The following ARMH4 variants were observed in gnomAD, a reference collection of about 807,000 sequenced individuals.
The protein encoded by ARMH4 is armadillo-like helical domain-containing protein 4.
ARMH4 carries 49 observed loss-of-function variants against 61.9 expected under a neutral mutation model. The ratio of observed to expected loss-of-function variants is 0.79; its 90% CI spans 0.63 to 1.00. The LOEUF (loss-of-function observed/expected upper bound fraction) is 1.00. ARMH4 is among the 50% of genes least tolerant of loss of function. ARMH4 has a pLI of 0.00. For missense variants in ARMH4, 934 were observed against 930.0 expected (o/e 1.00, Z -0.06); for synonymous variants, 368 against 341.5 (o/e 1.08, Z -0.85).
chr14:58,032,327 G>A (rs1883274364), intron 5 of ARMH4, among the ~76,000 whole-genome samples: 2 of 152,176 alleles, frequency 1.3e-5, no homozygotes, highest in Admixed American at 6.5e-5. Flanking sequence ...CATATATTAG[G>A]AGCCCAATGA....
intron 5 of ARMH4, among the ~76,000 whole-genome samples, chr14:58,062,611 G>C (rs1884567803): frequency 6.6e-6 from 1 of 152,218 alleles, no homozygotes; most frequent in African/African-American, 2.4e-5. Flanking sequence ...CTAAATGTTA[G>C]CTATGTGCCG....
At chr14:58,053,244 A>G (rs1884204961) in intron 5 of ARMH4, among the ~76,000 whole-genome samples, 3 of 152,232 alleles carry the variant, frequency 2.0e-5, no homozygotes, top group Admixed American at 2.0e-4. Context: ...TTTAAAATTC[A>G]AGGAGAACAT....
At chr14:58,059,907 G>A (rs937731132) in intron 5 of ARMH4, among the ~76,000 whole-genome samples, 1 of 152,108 alleles carries the variant, frequency 6.6e-6, no homozygotes, top group Non-Finnish European at 1.5e-5. Context: ...TGTGACTACA[G>A]CTCCAGATTT....
intron 5 of ARMH4, among the ~76,000 whole-genome samples, chr14:58,044,853 A>G (rs1449725463): frequency 1.3e-5 from 2 of 152,266 alleles, no homozygotes; most frequent in Non-Finnish European, 2.9e-5. Flanking sequence ...CAACAGACAC[A>G]TGAAAAAATG....
At chr14:58,018,183 A>C (rs1305052069) in intron 5 of ARMH4, among the ~76,000 whole-genome samples, 1 of 152,190 alleles carries the variant, frequency 6.6e-6, no homozygotes, top group Non-Finnish European at 1.5e-5. Context: ...GAAGATAATA[A>C]AGGGGAAAAT....
chr14:58,067,587 C>G (rs991328206), intron 5 of ARMH4, among the ~76,000 whole-genome samples: 2 of 152,234 alleles, frequency 1.3e-5, no homozygotes, highest in Non-Finnish European at 2.9e-5. Flanking sequence ...AGTGTTTGTG[C>G]GGTCTGCTCC....
At chr14:58,031,710 T>C (rs1883238694) in intron 5 of ARMH4, among the ~76,000 whole-genome samples, 2 of 152,162 alleles carry the variant, frequency 1.3e-5, no homozygotes, top group African/African-American at 4.8e-5. Context: ...CACTAACAAA[T>C]TGAAATTCAG....
chr14:58,129,039 G>T (rs796322635), intron 4 of ARMH4, among the ~76,000 whole-genome samples: 4 of 152,176 alleles, frequency 2.6e-5, no homozygotes, highest in African/African-American at 9.7e-5. Context: ...GCTTTGGAGA[G>T]AGCAAGCCCT....
At chr14:58,105,250 G>GT (rs1189879367) in intron 4 of ARMH4, among the ~76,000 whole-genome samples, 1 of 152,148 alleles carries the variant, frequency 6.6e-6, no homozygotes, top group Non-Finnish European at 1.5e-5. Flanking sequence ...TAATGCCTGA[G>GT]TTTTGCAATT....
chr14:58,138,666 G>C lies in ARMH4; in HGVS notation c.693C>G (p.His231Gln), dbSNP rs765855846. ...CAGCACCAGGAAAAGAAGTTGTCCTGTGGTCTGTGTCTGCTTCAAATTTCT... is the reference window on the plus strand; with the variant it reads ...CAGCACCAGGAAAAGAAGTTGTCCTCTGGTCTGTGTCTGCTTCAAATTTCT... ...KTEKFEADTD[H>Q]RTTSFPGAES... Residue 231 changes from histidine (H) to glutamine (Q), a missense_variant, in exon 2 of 8, where the codon CAC (histidine) becomes CAG (glutamine). Coordinates refer to ENST00000267485, the MANE Select transcript of ARMH4 (RefSeq NM_001001872.4). The C allele has an allele frequency of 6.2e-7, 1 of 1,614,054 alleles. No homozygotes were observed. The highest frequency in any genetic ancestry group is 8.5e-7 in the Non-Finnish European group (1 of 1,180,044).
At chr14:58,078,787 A>G (rs546701544) in intron 5 of ARMH4, among the ~76,000 whole-genome samples, 15 of 152,354 alleles carry the variant, frequency 9.8e-5, no homozygotes, top group Admixed American at 3.9e-4. Context: ...AAAAACAGGC[A>G]TCAGGCTGGA....
At chr14:58,062,081 G>C (rs1277437833) in intron 5 of ARMH4, among the ~76,000 whole-genome samples, 1 of 152,140 alleles carries the variant, frequency 6.6e-6, no homozygotes, top group African/African-American at 2.4e-5. Context: ...ACTCATGCCT[G>C]TAATCCTAGC....
chr14:58,007,346 T>TA (rs1262886838), intron 6 of ARMH4, among the ~76,000 whole-genome samples: 2 of 152,192 alleles, frequency 1.3e-5, no homozygotes, highest in Non-Finnish European at 2.9e-5. Context: ...CAAATTTATA[T>TA]TTATATTTGT....
chr14:58,150,857 C>T (rs1364922791), intron 1 of ARMH4, among the ~76,000 whole-genome samples: 1 of 152,132 alleles, frequency 6.6e-6, no homozygotes, highest in Non-Finnish European at 1.5e-5. Flanking sequence ...TTGTGTGTTT[C>T]AATAGATGCT....
At chr14:58,054,415 C>T (rs178480) in intron 5 of ARMH4, among the ~76,000 whole-genome samples, 39,533 of 152,080 alleles carry the variant, frequency 0.26, 6,784 homozygotes, top group East Asian at 0.63. Flanking sequence ...GATTTAGCTG[C>T]CTGCAAGATT....
chr14:58,019,406 T>C (rs1882732052), intron 5 of ARMH4, among the ~76,000 whole-genome samples: 3 of 152,146 alleles, frequency 2.0e-5, no homozygotes, highest in Non-Finnish European at 4.4e-5. Flanking sequence ...TATTTGTCAA[T>C]TAAAAACTAA....
intron 4 of ARMH4, among the ~76,000 whole-genome samples, chr14:58,122,622 TA>T (rs1207730931): frequency 1.3e-5 from 2 of 150,510 alleles, no homozygotes; most frequent in African/African-American, 2.4e-5. Flanking sequence ...ACAAACGGTA[TA>T]AAAAAAAAGG....
Position 58,146,986 on chromosome 14 carries a change from A to G in ARMH4, c.-57+5089T>C, listed in dbSNP as rs143161913. ...AGAAACTGGTGACAGTTCGCTTTAT[A>G]TTTTCCTTTTCTTATGATATACACA... On this transcript the variant is annotated intron_variant, in intron 1 of 7. Transcript: ENST00000267485. 2.2e-3 allele frequency among the ~76,000 whole-genome samples: 330 copies of G among 152,164 alleles called. 2 individuals are homozygous for G. Among genetic ancestry groups the G allele is most frequent in the Non-Finnish European group, 2.2e-3 (148 of 67,970 alleles).
At chr14:58,066,873 G>C (rs953102555) in intron 5 of ARMH4, among the ~76,000 whole-genome samples, 1 of 152,182 alleles carries the variant, frequency 6.6e-6, no homozygotes, top group African/African-American at 2.4e-5. Flanking sequence ...ATTTGTATCA[G>C]ACTCAAAGGA....
Sources: allele counts gnomAD v4.1 joint callset (sites outside exome capture counted in the v4.1 genomes callset), GRCh38; gene constraint gnomAD v4.1.1; transcripts MANE v1.5; gene names NCBI Gene and HGNC (gene_info 2026-07-23, HGNC 2026-07-21).